Variants in WWOX observed in about 807,000 individuals in gnomAD.
WWOX encodes the protein WW domain containing oxidoreductase.
A neutral mutation model predicts 46.2 loss-of-function variants in WWOX; 69 were observed. That is an observed-to-expected ratio of 1.49 (90% confidence interval 1.23 to 1.82). WWOX has a LOEUF of 1.82. Among genes scored for constraint, WWOX ranks in the 40% most tolerant of loss-of-function variants. The pLI is 0.00. For synonymous variants in WWOX, 359 were observed against 202.6 expected (o/e 1.77, Z -6.56); for missense variants, 919 against 542.6 (o/e 1.69, Z -6.89).
chr16:78,441,995 G>T (rs1410447204), intron 8 of WWOX, among the ~76,000 whole-genome samples: 1 of 148,932 alleles, frequency 6.7e-6, no homozygotes, highest in African/African-American at 2.5e-5. Flanking sequence ...TGTGTGGCTG[G>T]GCATGGTGGC....
At chr16:79,211,000 A>G (rs1254246515) in intron 8 of WWOX, among the ~76,000 whole-genome samples, 6 of 150,302 alleles carry the variant, frequency 4.0e-5, no homozygotes, top group African/African-American at 1.2e-4. Context: ...TTAATGTGTT[A>G]TGTGTTTGTG....
chr16:78,567,463 G>C (rs777754015), intron 8 of WWOX, among the ~76,000 whole-genome samples: 1 of 142,900 alleles, frequency 7.0e-6, no homozygotes, highest in Non-Finnish European at 1.5e-5. Context: ...TGAGACAGGA[G>C]AATGTCATGA....
intron 8 of WWOX, among the ~76,000 whole-genome samples, chr16:78,861,274 C>G (rs888421019): frequency 6.6e-6 from 1 of 152,198 alleles, no homozygotes; most frequent in African/African-American, 2.4e-5. Flanking sequence ...CAAGCTGGGA[C>G]GTAAGTCTTC....
intron 8 of WWOX, among the ~76,000 whole-genome samples, chr16:79,143,136 G>T (rs775520084): frequency 6.6e-6 from 1 of 152,168 alleles, no homozygotes; most frequent in Admixed American, 6.5e-5. Context: ...TTGTCATGGG[G>T]TCTGGTCTTC....
At position 78,858,330 on chromosome 16, in the gene WWOX, A is replaced by ATATG. The variant is rs111871028; in HGVS notation, c.1057-353277_1057-353276insATGT. Among the ~76,000 whole-genome samples, 83 of 149,934 alleles carry ATATG rather than the reference A, an allele frequency of 5.5e-4. 1 individual carries two copies. The highest frequency in any genetic ancestry group is 8.7e-4 in the Admixed American group (13 of 14,992). ...ACCCAATATGTAGTCATATATATAT[A>ATATG]TGTGTGTGTGTGTGTGTATGTATAT... On this transcript the variant is annotated intron_variant, in intron 8 of 8. Transcript: ENST00000566780.
At chr16:78,553,834 C>T (rs2044228624) in intron 8 of WWOX, among the ~76,000 whole-genome samples, 1 of 151,976 alleles carries the variant, frequency 6.6e-6, no homozygotes, top group Non-Finnish European at 1.5e-5. Context: ...GTGGTCACAG[C>T]TGGCAAAGGG....
At chr16:78,580,416 T>C (rs1321218245) in intron 8 of WWOX, among the ~76,000 whole-genome samples, 1 of 152,116 alleles carries the variant, frequency 6.6e-6, no homozygotes, top group Non-Finnish European at 1.5e-5. Flanking sequence ...CAATTACAGA[T>C]TGATTGCCTC....
chr16:79,160,518 A>G (rs889459117), intron 8 of WWOX, among the ~76,000 whole-genome samples: 2 of 152,210 alleles, frequency 1.3e-5, no homozygotes, highest in African/African-American at 4.8e-5. Context: ...ATTAAATACA[A>G]TGATGTAACC....
intron 8 of WWOX, among the ~76,000 whole-genome samples, chr16:78,489,412 A>G (rs1368533061): frequency 6.6e-6 from 1 of 152,188 alleles, no homozygotes; most frequent in East Asian, 1.9e-4. Context: ...TGAACCTGCT[A>G]ACATACATTT....
chr16:79,169,328 C>G (rs1357121963), intron 8 of WWOX, among the ~76,000 whole-genome samples: 2 of 152,184 alleles, frequency 1.3e-5, no homozygotes, highest in African/African-American at 4.8e-5. Context: ...CAAGATCAAG[C>G]CCCAGAGGGC....
chr16:78,845,307 A>G (rs184881561), intron 8 of WWOX, among the ~76,000 whole-genome samples: 2 of 152,314 alleles, frequency 1.3e-5, no homozygotes, highest in East Asian at 1.9e-4. Flanking sequence ...GTGAAGACCA[A>G]CAAGGTTTCC....
At chr16:78,522,115 G>A (rs973007664) in intron 8 of WWOX, among the ~76,000 whole-genome samples, 2 of 150,460 alleles carry the variant, frequency 1.3e-5, no homozygotes, top group African/African-American at 4.9e-5. Context: ...AAGGGAATAT[G>A]GAGGAGAAGG....
intron 8 of WWOX, chr16:79,017,156 C>A (rs928624502): frequency 2.0e-5 from 3 of 151,820 alleles, no homozygotes; most frequent in Admixed American, 6.6e-5. Flanking sequence ...GGCTGCCGGG[C>A]GCAGTGGCTC....
intron 8 of WWOX, among the ~76,000 whole-genome samples, chr16:78,932,082 C>G (rs527810740): frequency 1.3e-5 from 2 of 152,332 alleles, no homozygotes; most frequent in South Asian, 4.1e-4. Flanking sequence ...AAACCTCTTT[C>G]CTTTATAAAT....
chr16:79,076,639 G>C (rs1170404289), intron 8 of WWOX, among the ~76,000 whole-genome samples: 1 of 152,166 alleles, frequency 6.6e-6, no homozygotes, highest in Non-Finnish European at 1.5e-5. Flanking sequence ...ACCACAGCTA[G>C]GTAGGCGGTA....
chr16:78,916,589 T>G (rs2045257313), intron 8 of WWOX, among the ~76,000 whole-genome samples: 1 of 152,182 alleles, frequency 6.6e-6, no homozygotes, highest in Non-Finnish European at 1.5e-5. Context: ...TGATAATAAT[T>G]ATACCAAGAC....
At chr16:78,391,744 A>C (rs2082177519) in intron 6 of WWOX, among the ~76,000 whole-genome samples, 1 of 152,150 alleles carries the variant, frequency 6.6e-6, no homozygotes. Context: ...GCTACTCAGG[A>C]GGCTGAGGCA....
intron 8 of WWOX, among the ~76,000 whole-genome samples, chr16:78,781,471 C>CT (rs996112517): frequency 7.2e-5 from 11 of 152,156 alleles, no homozygotes; most frequent in African/African-American, 2.7e-4. Flanking sequence ...TCAAGAACTG[C>CT]TTTTCTTTTA....
intron 8 of WWOX, among the ~76,000 whole-genome samples, chr16:78,858,923 C>G (rs565130358): frequency 6.7e-6 from 1 of 149,118 alleles, no homozygotes; most frequent in South Asian, 2.1e-4. Flanking sequence ...AAGTTACCCT[C>G]CCACCTCAGC....
Sources: gnomAD v4.1 joint callset for allele counts (sites outside exome capture counted in the v4.1 genomes callset) on GRCh38, gnomAD v4.1.1 for gene constraint, MANE v1.5 for transcripts, NCBI Gene and HGNC (gene_info 2026-07-23, HGNC 2026-07-21) for gene names.